Variants in MEI4 observed in about 807,000 individuals in gnomAD.
The protein encoded by MEI4 is meiosis-specific protein MEI4.
MEI4 carries 27 observed loss-of-function variants against 31.4 expected under a neutral mutation model. The observed-to-expected ratio is 0.86, with a 90% CI of 0.63 to 1.19. The LOEUF is 1.19. Among genes scored for constraint, MEI4 ranks in the 50% most tolerant of loss-of-function variants. MEI4 has a pLI of 0.00. For missense variants in MEI4, 329 were observed against 398.9 expected (o/e 0.82, Z 1.49); for synonymous variants, 122 against 145.4 (o/e 0.84, Z 1.16).
At chr6:77,849,080 C>T (rs577419921) in intron 4 of MEI4, among the ~76,000 whole-genome samples, 33 of 151,076 alleles carry the variant, frequency 2.2e-4, no homozygotes, top group African/African-American at 8.0e-4. Context: ...ATTAGGGAAA[C>T]ACAAAAGAAA....
At chr6:77,678,533 C>G (rs1582014726) in intron 1 of MEI4, among the ~76,000 whole-genome samples, 2 of 17,464 alleles carry the variant, frequency 1.1e-4, no homozygotes, top group African/African-American at 1.1e-3. Context: ...ATCCTTGTCT[C>G]CTGGTAACTT....
chr6:77,823,277 G>A (rs571030336), intron 3 of MEI4, among the ~76,000 whole-genome samples: 1 of 151,942 alleles, frequency 6.6e-6, no homozygotes, highest in Non-Finnish European at 1.5e-5. Context: ...TGTTTCTTTT[G>A]ACTTTCAATT....
chr6:77,806,066 A>AATGT (rs1446246452), intron 3 of MEI4, among the ~76,000 whole-genome samples: 3 of 152,130 alleles, frequency 2.0e-5, no homozygotes, highest in African/African-American at 7.2e-5. Flanking sequence ...GCTTGAGGAA[A>AATGT]ATGTATGTCC....
chr6:77,864,389 T>C (rs1213305285), intron 4 of MEI4, among the ~76,000 whole-genome samples: 3 of 152,038 alleles, frequency 2.0e-5, no homozygotes, highest in African/African-American at 7.2e-5. Flanking sequence ...GAGGAAGATC[T>C]ACCAAGCAAA....
chr6:77,874,376 G>T (rs911266842), intron 4 of MEI4, among the ~76,000 whole-genome samples: 1 of 152,144 alleles, frequency 6.6e-6, no homozygotes, highest in Non-Finnish European at 1.5e-5. Flanking sequence ...AATTGTGAAT[G>T]GGAATTCACT....
chr6:77,877,908 G>A (rs1441389910), intron 4 of MEI4, among the ~76,000 whole-genome samples: 3 of 151,992 alleles, frequency 2.0e-5, no homozygotes, highest in Non-Finnish European at 4.4e-5. Flanking sequence ...TGACTATTCT[G>A]AAAACTGCAT....
At chr6:77,799,667 TG>T (rs760157009) in intron 3 of MEI4, among the ~76,000 whole-genome samples, 12 of 152,294 alleles carry the variant, frequency 7.9e-5, no homozygotes, top group Non-Finnish European at 1.5e-4. Flanking sequence ...AATTAATTTT[TG>T]TATAAGGTGT....
rs1766254535 is a variant in MEI4, at chr6:77,702,842, C to T, written c.232+11939C>T. On this transcript the variant is annotated intron_variant, in intron 2 of 4. Transcript: ENST00000684080. Reference sequence around the variant, plus strand: ...ACTTATTTGAATGGACCTTGCTCAGCCCCAGTTTTTTATACATATTCTCTC... The same window carrying T: ...ACTTATTTGAATGGACCTTGCTCAGTCCCAGTTTTTTATACATATTCTCTC... Among the ~76,000 whole-genome samples the T allele has an allele frequency of 1.3e-5, 2 of 152,162 alleles. 1 individual carries two copies. Among genetic ancestry groups the T allele is most frequent in the South Asian group, 4.1e-4 (2 of 4,824 alleles).
intron 4 of MEI4, among the ~76,000 whole-genome samples, chr6:77,909,421 T>C (rs1766378265): frequency 6.6e-6 from 1 of 152,114 alleles, no homozygotes; most frequent in Non-Finnish European, 1.5e-5. Flanking sequence ...CAGAGAATAC[T>C]ATAAACACCT....
At chr6:77,683,998 C>A (rs1769005802) in intron 1 of MEI4, among the ~76,000 whole-genome samples, 1 of 152,066 alleles carries the variant, frequency 6.6e-6, no homozygotes, top group Non-Finnish European at 1.5e-5. Flanking sequence ...ATATTCTCAC[C>A]AACAGTGTAC....
chr6:77,758,798 GTT>G (rs1767973397), intron 2 of MEI4, among the ~76,000 whole-genome samples: 1 of 151,868 alleles, frequency 6.6e-6, no homozygotes, highest in Non-Finnish European at 1.5e-5. Context: ...TTTTTTATTT[GTT>G]TTTAATTGCT....
At chr6:77,864,831 G>C (rs1345999404) in intron 4 of MEI4, among the ~76,000 whole-genome samples, 1 of 152,138 alleles carries the variant, frequency 6.6e-6, no homozygotes, top group Non-Finnish European at 1.5e-5. Flanking sequence ...ATAGGTGGAA[G>C]TAAAGCACTC....
chr6:77,742,682 T>C (rs1306634664), intron 2 of MEI4, among the ~76,000 whole-genome samples: 2 of 152,224 alleles, frequency 1.3e-5, no homozygotes, highest in African/African-American at 4.8e-5. Flanking sequence ...GTTTTAGACC[T>C]GAAGTCCTTG....
chr6:77,658,830 T>C (rs1020999141), intron 1 of MEI4, among the ~76,000 whole-genome samples: 1 of 151,956 alleles, frequency 6.6e-6, no homozygotes. Context: ...AATTAGAGAG[T>C]GCCCAAGGGG....
rs571355750 is a variant in MEI4 at position 77,736,672 on chromosome 6, T to C, written c.233-24458T>C. Among the ~76,000 whole-genome samples, 29 of 152,106 alleles carry C rather than the reference T, an allele frequency of 1.9e-4. No homozygotes were observed. In the East Asian group the frequency reaches 5.4e-3, roughly 29 times the overall value. ...TTTGGCTCCTACCCCCTTAATTCAGTATTTGTGAGGTACAAAACAATGTAG... is the reference window on the plus strand; with the variant it reads ...TTTGGCTCCTACCCCCTTAATTCAGCATTTGTGAGGTACAAAACAATGTAG... On this transcript the variant is annotated intron_variant, in intron 2 of 4. Transcript: ENST00000684080.
chr6:77,854,577 A>C (rs1032407972), intron 4 of MEI4, among the ~76,000 whole-genome samples: 9 of 152,156 alleles, frequency 5.9e-5, no homozygotes, highest in South Asian at 2.1e-4. Context: ...AAATGTGTCC[A>C]ATGTGTAATC....
intron 1 of MEI4, among the ~76,000 whole-genome samples, chr6:77,654,600 A>AT (rs1174790648): frequency 6.0e-5 from 9 of 150,366 alleles, no homozygotes; most frequent in African/African-American, 9.9e-5. Context: ...ACTACTGTTT[A>AT]TTTTTTATGT....
intron 3 of MEI4, among the ~76,000 whole-genome samples, chr6:77,811,604 G>T (rs970185426): frequency 6.6e-6 from 1 of 151,842 alleles, no homozygotes; most frequent in Non-Finnish European, 1.5e-5. Flanking sequence ...GTGAAACCCC[G>T]TCTCTACTAA....
rs1766821484 is a variant in MEI4 at position 77,925,480 on chromosome 6, T to C, written c.*2134T>C. Reference sequence around the variant, plus strand: ...GAAGATAAAATGATAAAATGAGACATTTTTATCTGTGTTTCAGTAAAGCAG... The same window carrying C: ...GAAGATAAAATGATAAAATGAGACACTTTTATCTGTGTTTCAGTAAAGCAG... On this transcript the variant is annotated 3_prime_UTR_variant, in exon 5 of 5. Transcript: ENST00000684080. 6.6e-6 allele frequency: 1 copy of C among 151,796 alleles called. No homozygotes were observed. The highest frequency in any genetic ancestry group is 1.5e-5 in the Non-Finnish European group (1 of 67,876). 9.4% of individuals were successfully genotyped at this position (151,796 alleles called of 1,614,324 possible). A position where few individuals can be genotyped will look rare whatever the true frequency, so the allele number is the denominator to read the frequency against.
Sources: gnomAD v4.1 joint callset for allele counts (sites outside exome capture counted in the v4.1 genomes callset) on GRCh38, gnomAD v4.1.1 for gene constraint, MANE v1.5 for transcripts, NCBI Gene and HGNC (gene_info 2026-07-23, HGNC 2026-07-21) for gene names.